THEMIS: variants seen among roughly 807,000 people sequenced by gnomAD.
THEMIS encodes protein THEMIS.
In THEMIS, 37 loss-of-function variants were observed where a neutral mutation model predicts 52.6. The observed-to-expected ratio is 0.70, with a 90% CI of 0.54 to 0.93. The LOEUF (loss-of-function observed/expected upper bound fraction) is 0.93, where lower values mean the gene tolerates loss of function less well. Ranked by LOEUF, THEMIS falls within the 40% of genes least tolerant of loss-of-function variation. The probability of loss-of-function intolerance (pLI) is 0.00; values close to 1 mark genes in which losing one functional copy is unlikely to be tolerated. For missense variants in THEMIS, 808 were observed against 763.1 expected, an observed-to-expected ratio of 1.06 and a Z score of -0.69; for synonymous variants, 292 against 272.7, an observed-to-expected ratio of 1.07 and a Z score of -0.70.
intron 5 of THEMIS, among the ~76,000 whole-genome samples, chr6:127,711,942 C>T (rs1773997090): frequency 6.6e-6 from 1 of 151,866 alleles, no homozygotes; most frequent in Non-Finnish European, 1.5e-5. Context: ...ATTTCCTTAT[C>T]AGTGGATAAG....
chr6:127,893,476 AG>A (rs1246142969), intron 1 of THEMIS, among the ~76,000 whole-genome samples: 1 of 152,204 alleles, frequency 6.6e-6, no homozygotes, highest in Non-Finnish European at 1.5e-5. Flanking sequence ...CAATGTTTTA[AG>A]TTGACCATGG....
chr6:127,899,992 T>C lies in THEMIS; in HGVS notation c.91+850A>G, dbSNP rs548488049. ...ACTTTGCAACATAATATGTAATACA[T>C]TATTTTGTCTACGAACAAGAAAGAC... On this transcript the variant is annotated intron_variant, in intron 1 of 5. Coordinates refer to ENST00000368248, the MANE Select transcript of THEMIS (RefSeq NM_001010923.3). Among the ~76,000 whole-genome samples, 8 of 150,614 alleles carry C rather than the reference T, an allele frequency of 5.3e-5. No individual in the cohort carries two copies. The South Asian group carries it at 1.7e-3, about 31-fold the overall frequency.
At chr6:127,706,251 G>T (rs961274415), downstream of THEMIS, among the ~76,000 whole-genome samples, 10 of 151,828 alleles carry the variant, frequency 6.6e-5, no homozygotes, top group African/African-American at 2.4e-4. Context: ...ATGCATTGAG[G>T]ACTTACTTTT....
At chr6:127,803,303 C>A (rs1777597340) in intron 4 of THEMIS, among the ~76,000 whole-genome samples, 1 of 152,086 alleles carries the variant, frequency 6.6e-6, no homozygotes, top group South Asian at 2.1e-4. Context: ...AGTTTTAGAA[C>A]CTTTTCATCA....
intron 1 of THEMIS, among the ~76,000 whole-genome samples, chr6:127,872,748 T>A (rs1488524494): frequency 6.6e-6 from 1 of 152,170 alleles, no homozygotes; most frequent in Non-Finnish European, 1.5e-5. Context: ...CTATCCACTC[T>A]AACCACTCTT....
chr6:127,893,534 T>G (rs1780873389), intron 1 of THEMIS, among the ~76,000 whole-genome samples: 1 of 152,172 alleles, frequency 6.6e-6, no homozygotes, highest in Non-Finnish European at 1.5e-5. Context: ...GTCCTGAGTT[T>G]ATAACCCACA....
At chr6:127,807,427 C>G in intron 4 of THEMIS, 1 of 185,056 alleles carries the variant, frequency 5.4e-6, no homozygotes. Flanking sequence ...GTCAAAAAAG[C>G]TAAAATTGTA....
chr6:127,864,997 C>T (rs1417778594), intron 1 of THEMIS, among the ~76,000 whole-genome samples: 1 of 152,138 alleles, frequency 6.6e-6, no homozygotes, highest in Admixed American at 6.6e-5. Context: ...GCATCATTCT[C>T]CCAGCAGTGA....
intron 1 of THEMIS, among the ~76,000 whole-genome samples, chr6:127,861,811 G>GAAAAGAAAAGA (rs11454909): frequency 9.3e-4 from 106 of 114,108 alleles, no homozygotes; most frequent in African/African-American, 3.1e-3. Context: ...AAAAAGAAAA[G>GAAAAGAAAAGA]AAAGAAAAGA....
chr6:127,917,329 A>G (rs77554970), intron 1 of THEMIS, among the ~76,000 whole-genome samples: 3,957 of 152,288 alleles, frequency 0.026, 163 homozygotes, highest in African/African-American at 0.087. Flanking sequence ...TTCTATATCA[A>G]TTAGGATCCT....
chr6:127,731,294 A>G (rs1774783488), intron 4 of THEMIS, among the ~76,000 whole-genome samples: 1 of 152,236 alleles, frequency 6.6e-6, no homozygotes, highest in Non-Finnish European at 1.5e-5. Flanking sequence ...ATTAAGGGAC[A>G]GAATAATGGC....
At chr6:127,736,262 T>C (rs1415587418) in intron 4 of THEMIS, among the ~76,000 whole-genome samples, 4 of 152,152 alleles carry the variant, frequency 2.6e-5, no homozygotes, top group Non-Finnish European at 5.9e-5. Flanking sequence ...ATAAATTCAG[T>C]GGAGAGACAA....
chr6:127,849,333 G>T (rs909670199), intron 2 of THEMIS, among the ~76,000 whole-genome samples: 1 of 151,964 alleles, frequency 6.6e-6, no homozygotes. Context: ...CTGTAGCCTT[G>T]TAGTATAGTT....
At chr6:127,893,386 T>C (rs1463384232) in intron 1 of THEMIS, among the ~76,000 whole-genome samples, 1 of 152,190 alleles carries the variant, frequency 6.6e-6, no homozygotes, top group African/African-American at 2.4e-5. Flanking sequence ...AAATTCTTTA[T>C]ATGCCATAGC....
intron 1 of THEMIS, among the ~76,000 whole-genome samples, chr6:127,866,183 T>A (rs1480277359): frequency 1.3e-5 from 2 of 152,130 alleles, no homozygotes; most frequent in Non-Finnish European, 2.9e-5. Context: ...CTTCGTTTTC[T>A]GTTTTATTGA....
intron 4 of THEMIS, among the ~76,000 whole-genome samples, chr6:127,792,024 C>T (rs1777174881): frequency 6.6e-6 from 1 of 152,174 alleles, no homozygotes; most frequent in Admixed American, 6.5e-5. Context: ...TCTGCCACAG[C>T]TGCCCCTGGG....
At chr6:127,812,131 A>G (rs989150570) in intron 4 of THEMIS, among the ~76,000 whole-genome samples, 6 of 151,940 alleles carry the variant, frequency 3.9e-5, no homozygotes, top group African/African-American at 1.5e-4. Flanking sequence ...ACGTCTGGAT[A>G]AACGACCTAC....
At chr6:127,918,208 C>T (rs935800122) in intron 1 of THEMIS, among the ~76,000 whole-genome samples, 55 of 152,092 alleles carry the variant, frequency 3.6e-4, no homozygotes, top group African/African-American at 1.2e-3. Flanking sequence ...AGGCATAATG[C>T]GTGCCTGCAA....
chr6:127,805,577 G>GA (rs568406138), intron 4 of THEMIS, among the ~76,000 whole-genome samples: 262 of 151,894 alleles, frequency 1.7e-3, no homozygotes, highest in Admixed American at 3.9e-3. Flanking sequence ...CAAAGTTTGG[G>GA]AAAAAATACT....
Sources: allele counts gnomAD v4.1 joint callset (sites outside exome capture counted in the v4.1 genomes callset), GRCh38; gene constraint gnomAD v4.1.1; transcripts MANE v1.5; gene names NCBI Gene and HGNC (gene_info 2026-07-23, HGNC 2026-07-21).